The following GSTCD variants were observed in gnomAD, a reference collection of about 807,000 sequenced individuals.
GSTCD encodes the protein glutathione S-transferase C-terminal domain containing, also known as glutathione S-transferase C-terminal domain-containing protein.
Under a neutral mutation model 68.3 loss-of-function variants are expected in GSTCD, and 44 were observed. The observed-to-expected ratio is 0.64, with a 90% CI of 0.51 to 0.83. The LOEUF (loss-of-function observed/expected upper bound fraction) is 0.83, where lower values mean the gene tolerates loss of function less well. Ranked by LOEUF, GSTCD falls within the 40% of genes least tolerant of loss-of-function variation. The probability of loss-of-function intolerance (pLI) is 0.00; values close to 1 mark genes in which losing one functional copy is unlikely to be tolerated. For missense variants in GSTCD, 739 were observed against 735.9 expected (o/e 1.00, Z -0.05); for synonymous variants, 273 against 255.2 (o/e 1.07, Z -0.67).
At position 105,777,846 on chromosome 4, in the gene GSTCD, C is replaced by G. The variant is rs1372538100; in HGVS notation, c.1241-45108C>G. Among the ~76,000 whole-genome samples the G allele has an allele frequency of 2.0e-5, 3 of 152,086 alleles. No individual in the cohort carries two copies. The East Asian group carries it at 5.8e-4, about 29-fold the overall frequency. On this transcript the variant is annotated intron_variant, in intron 5 of 11. Coordinates refer to ENST00000515279, the MANE Select transcript of GSTCD (RefSeq NM_001370181.1). ...TTCATTGGTAAGTTTCCAATAAATT[C>G]AAGGCATTTTTAATTATTATATAAT... is the stretch of plus-strand genomic sequence containing the variant.
At chr4:105,724,688 G>T (rs781574499) in intron 3 of GSTCD, among the ~76,000 whole-genome samples, 2 of 151,814 alleles carry the variant, frequency 1.3e-5, no homozygotes, top group African/African-American at 2.4e-5. Flanking sequence ...TTACACTTCT[G>T]CAGTGAGCTA....
intron 5 of GSTCD, among the ~76,000 whole-genome samples, chr4:105,767,217 A>C (rs2553464): frequency 0.92 from 139,260 of 152,148 alleles, 63,755 homozygotes; most frequent in East Asian, 0.96. Context: ...AGTTGACCGC[A>C]TGTGATTGGC....
chr4:105,756,973 G>T (rs1358619338), intron 5 of GSTCD, among the ~76,000 whole-genome samples: 2 of 152,130 alleles, frequency 1.3e-5, no homozygotes, highest in Non-Finnish European at 2.9e-5. Flanking sequence ...CGCTTGTTGT[G>T]TGTGAAGTTA....
At chr4:105,817,847 ACT>A (rs1321372085) in intron 5 of GSTCD, among the ~76,000 whole-genome samples, 1 of 151,864 alleles carries the variant, frequency 6.6e-6, no homozygotes, top group Non-Finnish European at 1.5e-5. Flanking sequence ...TACTTAAAAT[ACT>A]GTTTTATAGT....
At chr4:105,742,500 C>T (rs72671879) in intron 5 of GSTCD, among the ~76,000 whole-genome samples, 8,168 of 152,180 alleles carry the variant, frequency 0.054, 253 homozygotes, top group Middle Eastern at 0.14. Flanking sequence ...TCAACTTCTC[C>T]GTGCCTTGGT....
In GSTCD at chr4:105,811,693, G is replaced by GA. The variant is rs949223287; in HGVS notation, c.1241-11251dup. Among the ~76,000 whole-genome samples the GA allele has an allele frequency of 7.7e-4, 114 of 147,542 alleles. 1 individual carries two copies. Among genetic ancestry groups the GA allele is most frequent in the African/African-American group, 2.5e-3 (102 of 40,264 alleles). On this transcript the variant is annotated intron_variant, in intron 5 of 11. Coordinates refer to ENST00000515279, the MANE Select transcript of GSTCD (RefSeq NM_001370181.1). ...ACTTAAACTATAATAATAAAAGAAA[G>GA]AAAAAAAAAATCTGTCCTATCAGCA... is the stretch of plus-strand genomic sequence containing the variant.
intron 5 of GSTCD, among the ~76,000 whole-genome samples, chr4:105,801,764 C>A (rs1371871213): frequency 6.6e-6 from 1 of 151,810 alleles, no homozygotes; most frequent in African/African-American, 2.4e-5. Flanking sequence ...ATTTTGATGA[C>A]AGATTTAGAA....
chr4:105,767,893 C>T (rs1212207843), intron 5 of GSTCD, among the ~76,000 whole-genome samples: 1 of 151,716 alleles, frequency 6.6e-6, no homozygotes, highest in Non-Finnish European at 1.5e-5. Flanking sequence ...AAAAAACAAG[C>T]ACTTAATTTC....
chr4:105,740,311 A>G (rs975870003), intron 5 of GSTCD, among the ~76,000 whole-genome samples: 3 of 151,838 alleles, frequency 2.0e-5, no homozygotes, highest in African/African-American at 4.8e-5. Context: ...AGTGAGGACT[A>G]TAGTTTTGCT....
chr4:105,801,662 G>A (rs1048123543), intron 5 of GSTCD, among the ~76,000 whole-genome samples: 25 of 151,910 alleles, frequency 1.6e-4, no homozygotes, highest in African/African-American at 5.8e-4. Context: ...CTGCTGTAAT[G>A]AGCATGCAGT....
chr4:105,786,797 TC>T (rs1289959628), intron 5 of GSTCD, among the ~76,000 whole-genome samples: 1 of 152,092 alleles, frequency 6.6e-6, no homozygotes, highest in African/African-American at 2.4e-5. Context: ...GAGATACCAC[TC>T]CACATCTGAT....
intron 8 of GSTCD, among the ~76,000 whole-genome samples, chr4:105,828,240 A>C (rs1336073365): frequency 6.6e-6 from 1 of 152,170 alleles, no homozygotes; most frequent in African/African-American, 2.4e-5. Flanking sequence ...CATAATTTTT[A>C]ATTATTGTTT....
chr4:105,719,124 A>T lies in GSTCD; in HGVS notation c.491A>T (p.Glu164Val), dbSNP rs1732774430. ...IPLAIENFLR[E>V]SSDQPPTIPV... ...TTGGCTATTGAGAATTTTCTCAGAGAATCTTCTGACCAGCCCCCAACTATA... is the reference window on the plus strand; with the variant it reads ...TTGGCTATTGAGAATTTTCTCAGAGTATCTTCTGACCAGCCCCCAACTATA... Residue 164 changes from glutamate to valine, a missense_variant, in exon 3 of 12, where the codon GAA becomes GTA. Transcript: ENST00000515279. 1.2e-6 allele frequency: 2 copies of T among 1,614,002 alleles called. No homozygotes were observed. Among genetic ancestry groups the T allele is most frequent in the African/African-American group, 2.7e-5 (2 of 74,922 alleles).
At chr4:105,769,907 C>T (rs969733802) in intron 5 of GSTCD, among the ~76,000 whole-genome samples, 1 of 152,146 alleles carries the variant, frequency 6.6e-6, no homozygotes. Flanking sequence ...AGGCCCACCA[C>T]CATGCCTGCC....
intron 8 of GSTCD, among the ~76,000 whole-genome samples, chr4:105,831,520 A>T (rs755118225): frequency 7.9e-5 from 12 of 152,238 alleles, no homozygotes; most frequent in Non-Finnish European, 1.3e-4. Flanking sequence ...TGTTAAAAAA[A>T]ATATTAACAA....
At chr4:105,805,705 A>C (rs1722460292) in intron 5 of GSTCD, among the ~76,000 whole-genome samples, 1 of 152,094 alleles carries the variant, frequency 6.6e-6, no homozygotes, top group Non-Finnish European at 1.5e-5. Flanking sequence ...TCAGGAAGGG[A>C]TTAAAAAACT....
chr4:105,751,609 CAG>C (rs1734011878), intron 5 of GSTCD, among the ~76,000 whole-genome samples: 1 of 152,072 alleles, frequency 6.6e-6, no homozygotes, highest in Non-Finnish European at 1.5e-5. Flanking sequence ...TGCTTCAAAA[CAG>C]TGATTAATAT....
intron 5 of GSTCD, among the ~76,000 whole-genome samples, chr4:105,798,418 C>G (rs1735984838): frequency 6.6e-6 from 1 of 151,650 alleles, no homozygotes; most frequent in African/African-American, 2.4e-5. Context: ...CAAATCCTTT[C>G]CAGAAGGTTT....
intron 1 of GSTCD, among the ~76,000 whole-genome samples, chr4:105,711,884 A>T (rs1732549884): frequency 6.6e-6 from 1 of 152,208 alleles, no homozygotes; most frequent in African/African-American, 2.4e-5. Context: ...TATACATAAA[A>T]ACTTCTGTGC....
Sources: gnomAD v4.1 joint callset for allele counts (sites outside exome capture counted in the v4.1 genomes callset) on GRCh38, gnomAD v4.1.1 for gene constraint, MANE v1.5 for transcripts, NCBI Gene and HGNC (gene_info 2026-07-23, HGNC 2026-07-21) for gene names.